The following SYTL2 variants were observed in gnomAD, a reference collection of about 807,000 sequenced individuals.
SYTL2 encodes the protein synaptotagmin-like protein 2.
A neutral mutation model predicts 198.7 loss-of-function variants in SYTL2; 165 were observed. That is an observed-to-expected ratio of 0.83 (90% confidence interval 0.73 to 0.94). The LOEUF is 0.94. Among genes scored for constraint, SYTL2 ranks in the 40% least tolerant of loss-of-function variants. The pLI is 0.00. For synonymous variants in SYTL2, 966 were observed against 917.7 expected (o/e 1.05, Z -0.95); for missense variants, 2,835 against 2,582.8 (o/e 1.10, Z -2.12).
At chr11:85,719,236 T>C in intron 9 of SYTL2, 4 of 1,199,282 alleles carry the variant, frequency 3.3e-6, no homozygotes, top group East Asian at 5.6e-5. Flanking sequence ...TATTTGTGTG[T>C]GTGCATCATC....
chr11:85,711,896 A>G (rs552157861), intron 12 of SYTL2, among the ~76,000 whole-genome samples: 1 of 152,210 alleles, frequency 6.6e-6, no homozygotes, highest in Admixed American at 6.5e-5. Context: ...ACATTTTTTA[A>G]AAAGAAGTAA....
Position 85,726,157 on chromosome 11 carries a change from G to A in SYTL2, c.3201C>T (p.Ile1067=), listed in dbSNP as rs764306150. The A allele has an allele frequency of 2.5e-6, 4 of 1,613,862 alleles. No homozygotes were observed. The African/African-American group carries it at 4.0e-5, about 16-fold the overall frequency. Residue 1067 remains isoleucine (I), a synonymous_variant, in exon 8 of 20, where the codon ATC becomes ATT. Coordinates refer to ENST00000359152, the MANE Select transcript of SYTL2 (RefSeq NM_206927.4). ...TTCTAAGTGGACTCAAAGGAAATGT[G>A]ATTTCATCTGGTAGCACCTGGAGTA... ...KGILQVLPDE[I]TFPLSPLRKY...
At chr11:85,785,269 G>T (rs141084991) in intron 1 of SYTL2, among the ~76,000 whole-genome samples, 1 of 152,262 alleles carries the variant, frequency 6.6e-6, no homozygotes, top group East Asian at 1.9e-4. Flanking sequence ...AAAATGAAAA[G>T]ACATTAACTA....
At chr11:85,815,854 G>A (rs559623753), upstream of SYTL2, among the ~76,000 whole-genome samples, 2 of 152,060 alleles carry the variant, frequency 1.3e-5, no homozygotes, top group Non-Finnish European at 2.9e-5. Context: ...TTTTCATATG[G>A]CCTTCCTTTA....
At chr11:85,746,451 C>T (rs541608130) in intron 3 of SYTL2, among the ~76,000 whole-genome samples, 1 of 152,328 alleles carries the variant, frequency 6.6e-6, no homozygotes, top group African/African-American at 2.4e-5. Flanking sequence ...TAACTAACTA[C>T]CAGGCACTGT....
At chr11:85,723,992 A>C (rs2088737409) in intron 8 of SYTL2, 40 bp downstream of exon 8, 1 of 1,223,414 alleles carries the variant, frequency 8.2e-7, no homozygotes, top group African/African-American at 1.5e-5. Flanking sequence ...GCATTCCATA[A>C]AGCAGACTCA....
intron 1 of SYTL2, among the ~76,000 whole-genome samples, chr11:85,801,620 A>G (rs2092888162): frequency 1.3e-5 from 2 of 152,232 alleles, no homozygotes; most frequent in South Asian, 4.1e-4. Context: ...TACTGTGAGC[A>G]GTGTTATTAT....
At chr11:85,717,630 C>T (rs1372865786) in intron 10 of SYTL2, 100 bp from the exon 11 acceptor site, 3 of 933,876 alleles carry the variant, frequency 3.2e-6, no homozygotes, top group Non-Finnish European at 5.3e-6. Context: ...ACTGAGACAG[C>T]AGAATACATC....
chr11:85,720,915 T>G lies in SYTL2; in HGVS notation c.5371A>C (p.Ser1791Arg), dbSNP rs181055796. 7 of 1,613,668 alleles carry G rather than the reference T, an allele frequency of 4.3e-6. No homozygotes were observed. The highest frequency in any genetic ancestry group is 1.3e-5 in the African/African-American group (1 of 74,940). Residue 1791 changes from serine (S) to arginine (R), a missense_variant, in exon 9 of 20, where the codon AGT (serine) becomes CGT (arginine). Ser to Arg is a moderately radical substitution (Grantham distance 110). This residue lies in a region of SYTL2 where 2,645 missense variants were observed against 2,381.7 expected (regional missense o/e 1.11). Transcript: ENST00000359152. Reference sequence around the variant, plus strand: ...TTGGAAGGCATTTTCCTAGCGGCACTCCTTTCCAAAGTTTTCAAAACAGGA... The same window carrying G: ...TTGGAAGGCATTTTCCTAGCGGCACGCCTTTCCAAAGTTTTCAAAACAGGA... ...PSPVLKTLER[S>R]AARKMPSKSL...
Position 85,793,826 on chromosome 11 carries a change from A to G in SYTL2, c.-390+17128T>C, listed in dbSNP as rs374332293. Among the ~76,000 whole-genome samples, 7 of 152,344 alleles carry G rather than the reference A, an allele frequency of 4.6e-5. No individual in the cohort carries two copies. The South Asian group carries it at 1.5e-3, about 32-fold the overall frequency. ...ATCTGTAGCTTTAATTTGGCAAGCA[A>G]TTGCATTTCCACATTGTTTTAGTCA... On this transcript the variant is annotated intron_variant, in intron 1 of 19. Transcript: ENST00000359152.
intron 1 of SYTL2, among the ~76,000 whole-genome samples, chr11:85,770,136 G>A (rs1263605253): frequency 6.6e-6 from 1 of 152,148 alleles, no homozygotes; most frequent in Non-Finnish European, 1.5e-5. Context: ...CTCAAGTCAA[G>A]TTATTGCTGT....
At chr11:85,842,326 C>G in the SYTL2 span, among the ~76,000 whole-genome samples, 1 of 152,206 alleles carries the variant, frequency 6.6e-6, no homozygotes, top group Admixed American at 6.5e-5. Context: ...GCATGGTTAG[C>G]CCCTGTAGGC....
chr11:85,825,229 A>C, the SYTL2 span, among the ~76,000 whole-genome samples: 2 of 152,018 alleles, frequency 1.3e-5, no homozygotes, highest in Non-Finnish European at 2.9e-5. Context: ...TCTACTAAAA[A>C]TACAAAAAAT....
chr11:85,713,831 A>G (rs1318844162), intron 12 of SYTL2, among the ~76,000 whole-genome samples: 6 of 152,178 alleles, frequency 3.9e-5, no homozygotes, highest in South Asian at 2.1e-4. Flanking sequence ...ACAGCAGGCA[A>G]CTTGGATCTG....
chr11:85,778,709 G>C (rs943379285), intron 1 of SYTL2, among the ~76,000 whole-genome samples: 3 of 152,224 alleles, frequency 2.0e-5, no homozygotes, highest in African/African-American at 7.2e-5. Flanking sequence ...GCGTGCAGTG[G>C]CTCACACTTG....
At chr11:85,761,533 G>A (rs1297634523) in intron 1 of SYTL2, among the ~76,000 whole-genome samples, 1 of 152,168 alleles carries the variant, frequency 6.6e-6, no homozygotes, top group Non-Finnish European at 1.5e-5. Flanking sequence ...AAGACTTCTG[G>A]CTTTTACTCT....
intron 2 of SYTL2, among the ~76,000 whole-genome samples, chr11:85,755,334 A>G (rs2091798184): frequency 6.6e-6 from 1 of 152,178 alleles, no homozygotes; most frequent in Admixed American, 6.5e-5. Flanking sequence ...GTCCATGGCC[A>G]AGTCCACATG....
intron 3 of SYTL2, among the ~76,000 whole-genome samples, chr11:85,746,203 TC>T (rs2091146610): frequency 1.3e-5 from 2 of 152,182 alleles, no homozygotes; most frequent in African/African-American, 4.8e-5. Context: ...TTGTATGTGC[TC>T]TAAGATACAA....
At chr11:85,719,055 G>C in intron 9 of SYTL2, 2 of 1,514,094 alleles carry the variant, frequency 1.3e-6, no homozygotes, top group Non-Finnish European at 1.8e-6. Flanking sequence ...CCCGGATGCA[G>C]CTCACATCAC....
Sources: gnomAD v4.1 joint callset for allele counts (sites outside exome capture counted in the v4.1 genomes callset) on GRCh38, gnomAD v4.1.1 for gene constraint, gnomAD v4.1.1 regional missense constraint, MANE v1.5 for transcripts, NCBI Gene and HGNC (gene_info 2026-07-23, HGNC 2026-07-21) for gene names.